Variants in ZNF423 observed in about 807,000 individuals in gnomAD.
The protein encoded by ZNF423 is zinc finger protein 423.
In ZNF423, 12 loss-of-function variants were observed where a neutral mutation model predicts 95.8. That is an observed-to-expected ratio of 0.13 (90% CI 0.08 to 0.20). The LOEUF (loss-of-function observed/expected upper bound fraction) is 0.20, where lower values mean the gene tolerates loss of function less well. Ranked by LOEUF, ZNF423 falls within the 10% of genes least tolerant of loss-of-function variation. The pLI is 1.00. For missense variants in ZNF423, 1,316 were observed against 1,737.1 expected (o/e 0.76, Z 4.31); for synonymous variants, 749 against 711.9 (o/e 1.05, Z -0.83).
At chr16:49,714,194 A>G (rs527815355) in intron 3 of ZNF423, among the ~76,000 whole-genome samples, 32 of 152,306 alleles carry the variant, frequency 2.1e-4, no homozygotes, top group East Asian at 1.5e-3. Flanking sequence ...GCGGGAGCCA[A>G]TTGTATTTAT....
At chr16:49,828,717 G>A (rs111664115) in intron 1 of ZNF423, among the ~76,000 whole-genome samples, 273 of 152,294 alleles carry the variant, frequency 1.8e-3, no homozygotes, top group African/African-American at 4.8e-3. Context: ...TGCTCCAGGC[G>A]AGTCCTGTGT....
At chr16:49,804,839 G>C (rs1037617990) in intron 1 of ZNF423, among the ~76,000 whole-genome samples, 5 of 151,278 alleles carry the variant, frequency 3.3e-5, no homozygotes, top group African/African-American at 7.3e-5. Context: ...TAAAGTGCAT[G>C]GTTCAGGACC....
intron 7 of ZNF423, chr16:49,517,755 G>A (rs976777478): frequency 9.6e-6 from 3 of 312,412 alleles, no homozygotes; most frequent in South Asian, 2.7e-5. Context: ...CTATGGCTTC[G>A]AAGTTATCAC....
At position 49,635,266 on chromosome 16, in the gene ZNF423, G is replaced by A. The variant is rs1386364929; in HGVS notation, c.3516+394C>T. 2.0e-5 allele frequency among the ~76,000 whole-genome samples: 3 copies of A among 152,198 alleles called. No homozygotes were observed. Among genetic ancestry groups the A allele is most frequent in the Admixed American group, 6.5e-5 (1 of 15,286 alleles). On this transcript the variant is annotated intron_variant, in intron 4 of 7. Transcript: ENST00000563137. The surrounding 1 kb of genome is among the most constrained non-coding windows in gnomAD (Gnocchi z 4.8). ...GGAGACCCAATAAGCAAATGAGTAT[G>A]TCATACCCCAGCTCAACAACAAAGA...
At chr16:49,821,507 C>A (rs1224536387) in intron 1 of ZNF423, among the ~76,000 whole-genome samples, 1 of 152,170 alleles carries the variant, frequency 6.6e-6, no homozygotes, top group Non-Finnish European at 1.5e-5. Context: ...GATGAGGGTC[C>A]CACACCTGGG....
At chr16:49,497,728 A>G (rs559316877) in intron 7 of ZNF423, among the ~76,000 whole-genome samples, 1 of 152,242 alleles carries the variant, frequency 6.6e-6, no homozygotes, top group Non-Finnish European at 1.5e-5. Context: ...TCCAGGAGCT[A>G]GGGCCAAGCC....
At chr16:49,518,449 A>C (rs1271890895) in intron 7 of ZNF423, 1 of 431,686 alleles carries the variant, frequency 2.3e-6, no homozygotes, top group East Asian at 7.0e-5. Context: ...CAGACTTAGA[A>C]AATTTTCCAA....
chr16:49,825,631 GA>G (rs199992475), intron 1 of ZNF423, among the ~76,000 whole-genome samples: 32 of 148,338 alleles, frequency 2.2e-4, no homozygotes, highest in African/African-American at 6.4e-4. Flanking sequence ...CCATCAGCAA[GA>G]AAAAAAAAAT....
chr16:49,651,948 C>A (rs1480593484), intron 3 of ZNF423, among the ~76,000 whole-genome samples: 1 of 152,186 alleles, frequency 6.6e-6, no homozygotes, highest in Non-Finnish European at 1.5e-5. Context: ...ACTCAACCTG[C>A]CAAAATTCTC....
intron 3 of ZNF423, among the ~76,000 whole-genome samples, chr16:49,715,364 G>T (rs760757141): frequency 6.6e-6 from 1 of 152,162 alleles, no homozygotes; most frequent in Non-Finnish European, 1.5e-5. Flanking sequence ...AGCTATCCAC[G>T]TGAAAAGCTG....
At chr16:49,524,589 T>A (rs1029831878) in intron 6 of ZNF423, among the ~76,000 whole-genome samples, 1 of 152,166 alleles carries the variant, frequency 6.6e-6, no homozygotes, top group Non-Finnish European at 1.5e-5. Flanking sequence ...AGCCCTGGCT[T>A]CCCAGTGGCA....
At chr16:49,746,138 G>A (rs73575509) in intron 2 of ZNF423, among the ~76,000 whole-genome samples, 20 of 152,278 alleles carry the variant, frequency 1.3e-4, no homozygotes, top group African/African-American at 4.3e-4. Context: ...TCAACTCTGT[G>A]TGGAGGGCAT....
At chr16:49,736,921 ATGGCCC>A (rs2033299726) in intron 2 of ZNF423, among the ~76,000 whole-genome samples, 1 of 152,176 alleles carries the variant, frequency 6.6e-6, no homozygotes, top group South Asian at 2.1e-4. Context: ...AGCAAGACAG[ATGGCCC>A]CATGCCCTCT....
chr16:49,762,399 C>A (rs2033848524), intron 2 of ZNF423, among the ~76,000 whole-genome samples: 1 of 152,148 alleles, frequency 6.6e-6, no homozygotes, highest in South Asian at 2.1e-4. Context: ...GACAGAATGC[C>A]CCACACAGAA....
upstream of ZNF423, among the ~76,000 whole-genome samples, chr16:49,856,470 A>C (rs2035371905): frequency 6.8e-6 from 1 of 146,168 alleles, no homozygotes; most frequent in African/African-American, 2.5e-5. Flanking sequence ...CCTGCCGCAC[A>C]AAAAAAAATA....
chr16:49,503,630 T>A (rs1967521230), intron 7 of ZNF423, among the ~76,000 whole-genome samples: 1 of 152,204 alleles, frequency 6.6e-6, no homozygotes, highest in Non-Finnish European at 1.5e-5. Flanking sequence ...AACATCGCTC[T>A]GCACCTTGCA....
intron 5 of ZNF423, among the ~76,000 whole-genome samples, chr16:49,546,509 C>T (rs984749920): frequency 6.6e-6 from 1 of 152,114 alleles, no homozygotes; most frequent in Admixed American, 6.5e-5. Context: ...AGTCCCCATC[C>T]TAACTGTAGA....
intron 5 of ZNF423, among the ~76,000 whole-genome samples, chr16:49,565,122 T>C (rs1394496917): frequency 6.6e-6 from 1 of 152,196 alleles, no homozygotes; most frequent in Non-Finnish European, 1.5e-5. Context: ...GTTGCTGCTT[T>C]TAATCTATCA....
chr16:49,536,905 T>C (rs1969072842), intron 5 of ZNF423, among the ~76,000 whole-genome samples: 1 of 152,230 alleles, frequency 6.6e-6, no homozygotes, highest in Non-Finnish European at 1.5e-5. Context: ...CCCTGTCTTA[T>C]TCAACACTGT....
Sources: allele counts gnomAD v4.1 joint callset (sites outside exome capture counted in the v4.1 genomes callset), GRCh38; gene constraint gnomAD v4.1.1; non-coding constraint Gnocchi (gnomAD v3.1); transcripts MANE v1.5; gene names NCBI Gene and HGNC (gene_info 2026-07-23, HGNC 2026-07-21).